Variants in LPAR3 observed in about 807,000 individuals in gnomAD.
LPAR3 encodes the protein lysophosphatidic acid receptor 3.
Under a neutral mutation model 17.8 loss-of-function variants are expected in LPAR3, and 7 were observed. The observed-to-expected ratio is 0.39, with a 90% CI of 0.22 to 0.74. The LOEUF is 0.74. Ranked by LOEUF, LPAR3 falls within the 30% of genes least tolerant of loss-of-function variation. The probability of loss-of-function intolerance (pLI) is 0.40; values close to 1 mark genes in which losing one functional copy is unlikely to be tolerated. For synonymous variants in LPAR3, 179 were observed against 179.9 expected (o/e 0.99, Z 0.04); for missense variants, 391 against 453.4 (o/e 0.86, Z 1.25).
chr1:84,884,334 G>A (rs895129563), intron 1 of LPAR3, among the ~76,000 whole-genome samples: 35 of 152,214 alleles, frequency 2.3e-4, no homozygotes, highest in Non-Finnish European at 2.9e-4. Flanking sequence ...CCTTTCCGCA[G>A]AAAGTAAAAA....
chr1:84,839,724 A>G (rs887271895), intron 2 of LPAR3, among the ~76,000 whole-genome samples: 7 of 152,272 alleles, frequency 4.6e-5, no homozygotes, highest in Admixed American at 2.6e-4. Context: ...ACACTGTGCA[A>G]TATGATGCAA....
chr1:84,865,011 C>T (rs1660011139), intron 2 of LPAR3, among the ~76,000 whole-genome samples: 1 of 152,010 alleles, frequency 6.6e-6, no homozygotes, highest in Non-Finnish European at 1.5e-5. Flanking sequence ...GTATGGTTCA[C>T]TCCCTGACTG....
At chr1:84,860,218 C>T (rs537431806) in intron 2 of LPAR3, among the ~76,000 whole-genome samples, 23 of 152,278 alleles carry the variant, frequency 1.5e-4, no homozygotes, top group Non-Finnish European at 2.6e-4. Flanking sequence ...TCACTACCAC[C>T]ACTACCCTCA....
At chr1:84,814,787 G>A (rs1658901227) in intron 2 of LPAR3, among the ~76,000 whole-genome samples, 1 of 152,062 alleles carries the variant, frequency 6.6e-6, no homozygotes, top group Non-Finnish European at 1.5e-5. Flanking sequence ...ATATTCACGG[G>A]CCATCTGCAT....
chr1:84,882,856 C>G (rs186420360), intron 1 of LPAR3, among the ~76,000 whole-genome samples: 2 of 152,174 alleles, frequency 1.3e-5, no homozygotes, highest in Non-Finnish European at 2.9e-5. Context: ...TAGATACTCA[C>G]ATGCAAAAGG....
At chr1:84,837,395 C>G (rs1381427724) in intron 2 of LPAR3, among the ~76,000 whole-genome samples, 2 of 152,140 alleles carry the variant, frequency 1.3e-5, no homozygotes, top group African/African-American at 2.4e-5. Flanking sequence ...TTCCCCTAGG[C>G]TAATCCCACA....
intron 1 of LPAR3, among the ~76,000 whole-genome samples, chr1:84,870,358 A>C (rs1660136540): frequency 6.6e-6 from 1 of 152,234 alleles, no homozygotes; most frequent in African/African-American, 2.4e-5. Context: ...CCACTCCAGC[A>C]AAGCAGGGAA....
chr1:84,883,076 G>T (rs1313860168), intron 1 of LPAR3, among the ~76,000 whole-genome samples: 1 of 152,190 alleles, frequency 6.6e-6, no homozygotes, highest in African/African-American at 2.4e-5. Context: ...TCTGAGAAAT[G>T]GAGCCTCGAT....
chr1:84,818,843 C>T (rs1467218563), intron 2 of LPAR3, among the ~76,000 whole-genome samples: 1 of 152,164 alleles, frequency 6.6e-6, no homozygotes, highest in Non-Finnish European at 1.5e-5. Flanking sequence ...TTTAACTGTA[C>T]CGTGATTTGC....
rs150772425 is a variant in LPAR3, at chr1:84,866,667, T to C, written c.-18-529A>G. Reference sequence around the variant, plus strand: ...TTCAGGTACATTCTTCCCAAGATAATAGGAGTTGAATTACCATTCACATAA... The same window carrying C: ...TTCAGGTACATTCTTCCCAAGATAACAGGAGTTGAATTACCATTCACATAA... On this transcript the variant is annotated intron_variant, in intron 1 of 2. Transcript: ENST00000370611. Among the ~76,000 whole-genome samples, 620 of 152,330 alleles carry C rather than the reference T, an allele frequency of 4.1e-3. 4 individuals carry two copies. Among genetic ancestry groups the C allele is most frequent in the Non-Finnish European group, 6.0e-3 (407 of 68,036 alleles).
chr1:84,864,313 C>A (rs1267594033), intron 2 of LPAR3, among the ~76,000 whole-genome samples: 1 of 152,086 alleles, frequency 6.6e-6, no homozygotes, highest in Non-Finnish European at 1.5e-5. Context: ...ACTCTATTAA[C>A]CCATTTATGC....
At chr1:84,827,411 G>C (rs1659182124) in intron 2 of LPAR3, among the ~76,000 whole-genome samples, 1 of 151,980 alleles carries the variant, frequency 6.6e-6, no homozygotes, top group African/African-American at 2.4e-5. Context: ...TATTATCAGA[G>C]GATGAAGGTC....
chr1:84,892,742 T>C (rs567787145), intron 1 of LPAR3, among the ~76,000 whole-genome samples: 1 of 152,288 alleles, frequency 6.6e-6, no homozygotes, highest in African/African-American at 2.4e-5. Context: ...CCGCCAGCCC[T>C]CAGCAGCGGA....
intron 2 of LPAR3, among the ~76,000 whole-genome samples, chr1:84,831,312 C>T (rs1436354268): frequency 1.3e-5 from 2 of 152,034 alleles, no homozygotes; most frequent in Non-Finnish European, 2.9e-5. Context: ...AATAAGCTGG[C>T]CTGGTGCAGT....
chr1:84,886,553 T>C (rs959529642), intron 1 of LPAR3, among the ~76,000 whole-genome samples: 1 of 152,130 alleles, frequency 6.6e-6, no homozygotes. Context: ...ATAAATATTG[T>C]ATTCTGCTAA....
At chr1:84,829,521 G>A (rs991664044) in intron 2 of LPAR3, among the ~76,000 whole-genome samples, 4 of 152,046 alleles carry the variant, frequency 2.6e-5, no homozygotes, top group Non-Finnish European at 5.9e-5. Flanking sequence ...TGCTAGGAAG[G>A]AAAAGATCTT....
At chr1:84,864,892 C>G (rs1475472616) in intron 2 of LPAR3, among the ~76,000 whole-genome samples, 1 of 152,084 alleles carries the variant, frequency 6.6e-6, no homozygotes, top group Non-Finnish European at 1.5e-5. Context: ...CTGACCTCAT[C>G]TTCTCCTACT....
intron 1 of LPAR3, among the ~76,000 whole-genome samples, chr1:84,880,518 G>A (rs1480106705): frequency 6.6e-6 from 1 of 152,226 alleles, no homozygotes; most frequent in Non-Finnish European, 1.5e-5. Flanking sequence ...AGGCAGGTCT[G>A]TAGTAATGAT....
At chr1:84,820,104 T>G (rs1054704837) in intron 2 of LPAR3, among the ~76,000 whole-genome samples, 1 of 152,188 alleles carries the variant, frequency 6.6e-6, no homozygotes, top group East Asian at 1.9e-4. Context: ...ATTTGAAGTT[T>G]AGAGTAGCTC....
Sources: allele counts gnomAD v4.1 joint callset (sites outside exome capture counted in the v4.1 genomes callset), GRCh38; gene constraint gnomAD v4.1.1; transcripts MANE v1.5; gene names NCBI Gene and HGNC (gene_info 2026-07-23, HGNC 2026-07-21).